TMC5: variants seen among roughly 807,000 people sequenced by gnomAD.
The protein encoded by TMC5 is transmembrane channel like 5.
Under a neutral mutation model 110.5 loss-of-function variants are expected in TMC5, and 86 were observed. That is an observed-to-expected ratio of 0.78 (90% CI 0.65 to 0.93). The LOEUF is 0.93. Ranked by LOEUF, TMC5 falls within the 40% of genes least tolerant of loss-of-function variation. TMC5 has a pLI of 0.00. For synonymous variants in TMC5, 455 were observed against 439.5 expected, an observed-to-expected ratio of 1.04 and a Z score of -0.44; for missense variants, 1,144 against 1,222.8, an observed-to-expected ratio of 0.94 and a Z score of 0.96.
In TMC5 at chr16:19,440,367, A is replaced by G. The variant is rs745540455; in HGVS notation, c.329A>G (p.Tyr110Cys). The stretch of plus-strand genomic sequence containing the variant: ...CCTACCTCTCTACCAGAGCCAGATT[A>G]TAGTGAATTTCAGAGTCATCCCTAC... ...DHPTSLPEPD[Y>C]SEFQSHPYHR... Residue 110 changes from tyrosine (Y) to cysteine (C), a missense_variant, in exon 3 of 22, where the codon TAT (tyrosine) becomes TGT (cysteine). Transcript: ENST00000542583. 1.2e-6 allele frequency: 2 copies of G among 1,614,108 alleles called. No homozygotes were observed. Among genetic ancestry groups the G allele is most frequent in the Admixed American group, 1.7e-5 (1 of 60,024 alleles).
At chr16:19,488,938 A>G (rs1968816782) in intron 17 of TMC5, among the ~76,000 whole-genome samples, 1 of 152,204 alleles carries the variant, frequency 6.6e-6, no homozygotes, top group Non-Finnish European at 1.5e-5. Flanking sequence ...GAATTAATGA[A>G]CAAGGGAGAT....
chr16:19,492,246 C>T lies in TMC5; in HGVS notation c.2826+18C>T. 4 of 1,576,748 alleles carry T rather than the reference C, an allele frequency of 2.5e-6. No individual in the cohort carries two copies. Among genetic ancestry groups the T allele is most frequent in the Non-Finnish European group, 3.5e-6 (4 of 1,146,392 alleles). On this transcript the variant is annotated intron_variant, in intron 19 of 21. Coordinates refer to ENST00000542583, the MANE Select transcript of TMC5 (RefSeq NM_001261841.2). ...TCATTAATGTAAGTCCCCTTGGATC[C>T]CTCTGATGTCCGCCCTCACCCTTTT...
chr16:19,434,629 C>T (rs1967302140), intron 2 of TMC5, among the ~76,000 whole-genome samples: 1 of 151,484 alleles, frequency 6.6e-6, no homozygotes, highest in South Asian at 2.1e-4. Context: ...TGGCCCATTT[C>T]CTATTTCTTT....
chr16:19,466,612 A>G (rs949873861), intron 9 of TMC5, among the ~76,000 whole-genome samples: 5 of 152,192 alleles, frequency 3.3e-5, no homozygotes, highest in African/African-American at 1.2e-4. Context: ...TCGGCCTCCC[A>G]TAGTCCTGGG....
chr16:19,490,757 T>TCCTTCCTTCCTTCCTTCCTTC (rs1968872033), intron 18 of TMC5, among the ~76,000 whole-genome samples, 189 bp downstream of exon 18: 1 of 59,022 alleles, frequency 1.7e-5, no homozygotes, highest in African/African-American at 3.8e-5. Context: ...CTTCCTTCCT[T>TCCTTCCTTCCTTCCTTCCTTC]CCTTCCCTTC....
In TMC5 at chr16:19,498,157, T is replaced by C. The variant is rs1334710217; in HGVS notation, c.*191T>C. The C allele has an allele frequency of 5.1e-6, 3 of 584,914 alleles. No homozygotes were observed. The highest frequency in any genetic ancestry group is 3.2e-5 in the Admixed American group (1 of 30,860). 36.2% of individuals were successfully genotyped at this position (584,914 alleles called of 1,614,324 possible). On this transcript the variant is annotated 3_prime_UTR_variant, in exon 22 of 22. Transcript: ENST00000542583. ...TTCCATGCTATTTTTAATACCTGGA[T>C]TGCTGATTTTTCAAGACAAAATACT...
At chr16:19,457,072 G>T in intron 5 of TMC5, 1 of 1,445,232 alleles carries the variant, frequency 6.9e-7, no homozygotes, top group Non-Finnish European at 9.4e-7. Flanking sequence ...CTTCCTCGTT[G>T]TCCACAGCAT....
chr16:19,436,273 G>GAAAAAAAAA lies in TMC5; in HGVS notation c.-79-3684_-79-3676dup, dbSNP rs750838547. Among the ~76,000 whole-genome samples the GAAAAAAAAA allele has an allele frequency of 2.1e-3, 231 of 107,552 alleles. 5 individuals are homozygous for GAAAAAAAAA. Among genetic ancestry groups the GAAAAAAAAA allele is most frequent in the African/African-American group, 7.5e-3 (195 of 25,982 alleles). 70.6% of individuals were successfully genotyped at this position (107,552 alleles called of 152,430 possible). ...AAAGAGCAAAAGTTCGTCTCAAAAA[G>GAAAAAAAAA]AAAAAAAAAAAGAAAGGAAAAAGAA... On this transcript the variant is annotated intron_variant, in intron 2 of 21. Transcript: ENST00000542583.
At chr16:19,492,751 G>A (rs1968939293) in intron 19 of TMC5, among the ~76,000 whole-genome samples, 1 of 151,140 alleles carries the variant, frequency 6.6e-6, no homozygotes, top group Non-Finnish European at 1.5e-5. Context: ...TTTTTTTAGA[G>A]GTGGGGGTCT....
At chr16:19,471,969 C>T (rs1968353575) in intron 10 of TMC5, 119 bp from the exon 11 acceptor site, 6 of 1,000,660 alleles carry the variant, frequency 6.0e-6, no homozygotes, top group Non-Finnish European at 7.5e-6. Context: ...CCATGTTGTC[C>T]AGGCTGGTCT....
At chr16:19,466,032 C>A (rs777024011) in intron 8 of TMC5, 50 bp from the exon 9 acceptor site, 2 of 1,601,758 alleles carry the variant, frequency 1.2e-6, no homozygotes, top group Non-Finnish European at 1.7e-6. Context: ...TAATCGTTTA[C>A]CTTTTTTTTC....
intron 11 of TMC5, among the ~76,000 whole-genome samples, chr16:19,473,410 C>G (rs1187673642): frequency 1.4e-5 from 2 of 143,008 alleles, no homozygotes; most frequent in African/African-American, 2.6e-5. Context: ...AGAGACACGC[C>G]AACCCCCTAA....
intron 9 of TMC5, among the ~76,000 whole-genome samples, chr16:19,468,388 C>T (rs8057910): frequency 0.12 from 17,558 of 152,104 alleles, 1,326 homozygotes; most frequent in East Asian, 0.37. Context: ...GGGCCTGAGA[C>T]AGCCCATGAC....
At chr16:19,455,639 G>A (rs1418229917) in intron 5 of TMC5, among the ~76,000 whole-genome samples, 1 of 152,054 alleles carries the variant, frequency 6.6e-6, no homozygotes, top group South Asian at 2.1e-4. Flanking sequence ...GTGAACCCAG[G>A]CAAACTGTCC....
At chr16:19,454,012 C>G (rs1967808598) in intron 5 of TMC5, among the ~76,000 whole-genome samples, 2 of 152,122 alleles carry the variant, frequency 1.3e-5, no homozygotes, top group African/African-American at 4.8e-5. Flanking sequence ...GCCACCACCT[C>G]AGTTGGCAAG....
chr16:19,439,378 T>C (rs1457572351), intron 2 of TMC5, among the ~76,000 whole-genome samples: 2 of 152,208 alleles, frequency 1.3e-5, no homozygotes, highest in African/African-American at 4.8e-5. Flanking sequence ...ACCTCAAGTG[T>C]AATCAAAAAG....
chr16:19,448,808 T>C (rs1331759948), intron 4 of TMC5, among the ~76,000 whole-genome samples: 1 of 146,708 alleles, frequency 6.8e-6, no homozygotes, highest in Non-Finnish European at 1.5e-5. Flanking sequence ...ATATAAAATA[T>C]ATAGTATAAA....
At chr16:19,486,922 C>T in intron 15 of TMC5, 23 bp from the exon 16 acceptor site, 2 of 1,608,490 alleles carry the variant, frequency 1.2e-6, no homozygotes, top group Non-Finnish European at 1.7e-6. Context: ...CAGCCTCTGA[C>T]ACTCACCCTC....
chr16:19,422,424 G>A (rs374070711), intron 1 of TMC5, among the ~76,000 whole-genome samples: 16 of 152,214 alleles, frequency 1.1e-4, no homozygotes, highest in East Asian at 7.7e-4. Flanking sequence ...AGGTGTCTCC[G>A]TTTACTTAGG....
Sources: gnomAD v4.1 joint callset for allele counts (sites outside exome capture counted in the v4.1 genomes callset) on GRCh38, gnomAD v4.1.1 for gene constraint, MANE v1.5 for transcripts, NCBI Gene and HGNC (gene_info 2026-07-23, HGNC 2026-07-21) for gene names.